The following TMX4 variants were observed in gnomAD, a reference collection of about 807,000 sequenced individuals.
The protein encoded by TMX4 is thioredoxin related transmembrane protein 4, also known as thioredoxin-related transmembrane protein 4.
A neutral mutation model predicts 33.3 loss-of-function variants in TMX4; 23 were observed. The observed-to-expected ratio is 0.69, with a 90% CI of 0.50 to 0.98. The LOEUF (loss-of-function observed/expected upper bound fraction) is 0.98, where lower values mean the gene tolerates loss of function less well. Ranked by LOEUF, TMX4 falls within the 50% of genes least tolerant of loss-of-function variation. TMX4 has a pLI of 0.00. For missense variants in TMX4, 399 were observed against 448.9 expected, an observed-to-expected ratio of 0.89 and a Z score of 1.01; for synonymous variants, 164 against 161.5, an observed-to-expected ratio of 1.02 and a Z score of -0.12.
intron 2 of TMX4, among the ~76,000 whole-genome samples, chr20:8,009,730 T>C (rs1029332811): frequency 2.6e-5 from 4 of 152,056 alleles, no homozygotes; most frequent in Non-Finnish European, 5.9e-5. Flanking sequence ...AGGAAAACTG[T>C]AGCTTTTTCT....
chr20:8,019,649 T>G lies in TMX4; in HGVS notation c.-36A>C. ...GAGCGAGGCTTCTCGGCGGGGAGTG[T>G]GGGGAAGGGCAGCGGCCGGCCCGCA... On this transcript the variant is annotated 5_prime_UTR_variant, in exon 1 of 8. Coordinates refer to ENST00000246024, the MANE Select transcript of TMX4 (RefSeq NM_021156.4). The G allele has an allele frequency of 7.6e-7, 1 of 1,309,694 alleles. No homozygotes were observed. The highest frequency in any genetic ancestry group is 9.7e-7 in the Non-Finnish European group (1 of 1,029,162). The allele number at this position is 1,309,694 out of a possible 1,614,324, so 81.1% of individuals were successfully genotyped here. A position where few individuals can be genotyped will look rare whatever the true frequency, so the allele number is the denominator to read the frequency against.
intron 2 of TMX4, among the ~76,000 whole-genome samples, chr20:8,003,308 T>G (rs755918669): frequency 3.9e-5 from 6 of 152,178 alleles, no homozygotes; most frequent in Non-Finnish European, 7.4e-5. Flanking sequence ...TAAAATGGAA[T>G]GAAGAAATTA....
At chr20:8,017,160 CAAAT>C (rs2050779173) in intron 1 of TMX4, among the ~76,000 whole-genome samples, 1 of 151,954 alleles carries the variant, frequency 6.6e-6, no homozygotes, top group African/African-American at 2.4e-5. Context: ...AAATAGATCA[CAAAT>C]AGATAAGAAC....
At chr20:8,019,376 G>A (rs1256956945) in intron 1 of TMX4, 62 bp downstream of exon 1, 9 of 1,476,672 alleles carry the variant, frequency 6.1e-6, no homozygotes, top group Non-Finnish European at 7.2e-6. Context: ...CGGGCCGCGC[G>A]GGCTTGGGAG....
In TMX4 at chr20:7,980,936, T is replaced by C. The variant is rs1210673569; in HGVS notation, c.*1315A>G. 3 of 152,236 alleles carry C rather than the reference T, an allele frequency of 2.0e-5. No individual in the cohort carries two copies. Among genetic ancestry groups the C allele is most frequent in the East Asian group, 3.8e-4 (2 of 5,202 alleles). 9.4% of individuals were successfully genotyped at this position (152,236 alleles called of 1,614,324 possible). A position where few individuals can be genotyped will look rare whatever the true frequency, so the allele number is the denominator to read the frequency against. On this transcript the variant is annotated 3_prime_UTR_variant, in exon 8 of 8. Transcript: ENST00000246024. ...GAATTTCATAAACCTGTACTCATTA[T>C]TCTGTCTGGATCTAAGGAGCATAGA...
At chr20:8,001,970 A>G (rs1435846524) in intron 2 of TMX4, among the ~76,000 whole-genome samples, 2 of 152,208 alleles carry the variant, frequency 1.3e-5, no homozygotes, top group African/African-American at 2.4e-5. Context: ...TGCTGGGTAC[A>G]TAGTGAAGGA....
intron 2 of TMX4, among the ~76,000 whole-genome samples, chr20:8,008,212 TTA>T (rs1248481568): frequency 1.3e-5 from 2 of 152,182 alleles, no homozygotes; most frequent in African/African-American, 4.8e-5. Context: ...TAATTTTTAT[TTA>T]TGAGTTGCAC....
rs765451645 is a variant in TMX4 at position 8,019,581 on chromosome 20, C to G, written c.33G>C (p.Thr11=). The stretch of plus-strand genomic sequence containing the variant: ...CCGCGATCCAGGCGGCCAGGAGCGC[C>G]GTTAGCTGCGGGCCGCAGCGCCCAC... MAGGRCGPQL[T]ALLAAWIAAV... Residue 11 remains threonine (T), a synonymous_variant, in exon 1 of 8, where the codon ACG becomes ACC. Coordinates refer to ENST00000246024, the MANE Select transcript of TMX4 (RefSeq NM_021156.4). 1 of 1,380,938 alleles carries G rather than the reference C, an allele frequency of 7.2e-7. No individual in the cohort carries two copies. The highest frequency in any genetic ancestry group is 1.5e-5 in the African/African-American group (1 of 65,438). 85.5% of individuals were successfully genotyped at this position (1,380,938 alleles called of 1,614,324 possible).
At chr20:7,996,230 C>T (rs2050675871) in intron 4 of TMX4, among the ~76,000 whole-genome samples, 159 bp from the exon 5 acceptor site, 1 of 152,138 alleles carries the variant, frequency 6.6e-6, no homozygotes, top group Non-Finnish European at 1.5e-5. Context: ...GATTCAGTGG[C>T]TATCATTTGA....
intron 3 of TMX4, among the ~76,000 whole-genome samples, chr20:8,000,924 G>A (rs1749728942): frequency 6.6e-6 from 1 of 152,098 alleles, no homozygotes; most frequent in South Asian, 2.1e-4. Context: ...GCTTTTACTA[G>A]TTAGTTACAC....
chr20:8,006,245 C>T (rs1400470057), intron 2 of TMX4, among the ~76,000 whole-genome samples: 1 of 152,200 alleles, frequency 6.6e-6, no homozygotes, highest in Non-Finnish European at 1.5e-5. Flanking sequence ...GGGAACTTTT[C>T]TCGTTTCATT....
chr20:7,999,700 T>C lies in TMX4; in HGVS notation c.467+32A>G, dbSNP rs759887035. The C allele has an allele frequency of 9.4e-6, 15 of 1,593,938 alleles. 1 individual carries two copies. In the South Asian group the frequency reaches 1.6e-4, roughly 17 times the overall value. On this transcript the variant is annotated intron_variant, in intron 4 of 7. Coordinates refer to ENST00000246024, the MANE Select transcript of TMX4 (RefSeq NM_021156.4). ...ATTAACTTAAAACCTCCTGTTTTAT[T>C]AGTAACACCTTGTCTTAAAAAATTG... is the stretch of plus-strand genomic sequence containing the variant.
At chr20:7,993,536 T>G (rs560547035) in intron 5 of TMX4, among the ~76,000 whole-genome samples, 1 of 151,846 alleles carries the variant, frequency 6.6e-6, no homozygotes, top group South Asian at 2.1e-4. Context: ...AAGGTGGGAG[T>G]GGGGACCAGA....
chr20:7,996,811 G>GTT (rs1017494544), intron 4 of TMX4, among the ~76,000 whole-genome samples: 10 of 152,088 alleles, frequency 6.6e-5, no homozygotes, highest in African/African-American at 2.4e-4. Context: ...TTTAAAAAGA[G>GTT]TATCCCTGGA....
At chr20:7,991,000 A>G (rs534693148) in intron 5 of TMX4, among the ~76,000 whole-genome samples, 1 of 152,366 alleles carries the variant, frequency 6.6e-6, no homozygotes, top group South Asian at 2.1e-4. Context: ...AACATTGAGA[A>G]GAGGCATGCT....
intron 1 of TMX4, chr20:8,014,045 C>T (rs895932090): frequency 2.0e-5 from 3 of 152,198 alleles, no homozygotes; most frequent in African/African-American, 7.2e-5. Context: ...AAGTGTTATT[C>T]TTCCTTTTGG....
chr20:7,996,939 G>A (rs937642627), intron 4 of TMX4, among the ~76,000 whole-genome samples: 1 of 152,026 alleles, frequency 6.6e-6, no homozygotes, highest in Non-Finnish European at 1.5e-5. Flanking sequence ...ACCACTACAG[G>A]AACAGATTGT....
intron 6 of TMX4, among the ~76,000 whole-genome samples, chr20:7,985,829 T>G (rs1233447763): frequency 6.6e-6 from 1 of 152,202 alleles, no homozygotes; most frequent in Non-Finnish European, 1.5e-5. Flanking sequence ...TCTACACTGA[T>G]TATCTGAATC....
chr20:7,988,625 T>C (rs1023742933), intron 5 of TMX4, among the ~76,000 whole-genome samples: 3 of 152,212 alleles, frequency 2.0e-5, no homozygotes, highest in African/African-American at 7.2e-5. Context: ...GCCTGAGCTA[T>C]TTATTCATAC....
Sources: gnomAD v4.1 joint callset for allele counts (sites outside exome capture counted in the v4.1 genomes callset) on GRCh38, gnomAD v4.1.1 for gene constraint, MANE v1.5 for transcripts, NCBI Gene and HGNC (gene_info 2026-07-23, HGNC 2026-07-21) for gene names.